Variants in TTC29 observed in about 807,000 individuals in gnomAD.
TTC29 encodes tetratricopeptide repeat domain 29, also known as tetratricopeptide repeat protein 29.
TTC29 carries 49 observed loss-of-function variants against 58.1 expected under a neutral mutation model. The observed-to-expected ratio is 0.84, with a 90% CI of 0.67 to 1.07. The LOEUF (loss-of-function observed/expected upper bound fraction) is 1.07. TTC29 is among the 50% of genes least tolerant of loss of function. TTC29 has a pLI of 0.00. For missense variants in TTC29, 582 were observed against 555.6 expected (o/e 1.05, Z -0.48); for synonymous variants, 209 against 196.8 (o/e 1.06, Z -0.52).
chr4:146,884,355 C>T (rs1376384848), intron 6 of TTC29, among the ~76,000 whole-genome samples: 1 of 152,012 alleles, frequency 6.6e-6, no homozygotes, highest in Non-Finnish European at 1.5e-5. Context: ...ATGAAGTGTG[C>T]ATATAGTGGC....
chr4:146,919,998 AAT>A (rs1020079080), intron 4 of TTC29, among the ~76,000 whole-genome samples: 11 of 151,164 alleles, frequency 7.3e-5, no homozygotes, highest in Non-Finnish European at 8.9e-5. Context: ...TACACTTGCT[AAT>A]AGTCATGAGA....
chr4:146,862,966 C>CA (rs1381089168), intron 8 of TTC29, among the ~76,000 whole-genome samples: 1 of 151,688 alleles, frequency 6.6e-6, no homozygotes, highest in Non-Finnish European at 1.5e-5. Flanking sequence ...ACTAAAAATA[C>CA]AAAAAATTAG....
At chr4:146,730,314 G>C (rs1370024755) in intron 11 of TTC29, among the ~76,000 whole-genome samples, 1 of 152,130 alleles carries the variant, frequency 6.6e-6, no homozygotes, top group African/African-American at 2.4e-5. Flanking sequence ...GGGTGAATTA[G>C]AGTATGATTT....
chr4:146,916,346 GA>G (rs1443006276), intron 4 of TTC29, among the ~76,000 whole-genome samples: 2 of 151,538 alleles, frequency 1.3e-5, no homozygotes, highest in African/African-American at 4.8e-5. Context: ...TAAAGAGAGA[GA>G]AGTTAAAAAG....
intron 11 of TTC29, among the ~76,000 whole-genome samples, chr4:146,757,199 C>A (rs931572470): frequency 1.3e-5 from 2 of 150,588 alleles, no homozygotes; most frequent in African/African-American, 4.9e-5. Flanking sequence ...GGCTGTTGTT[C>A]GGATTTTTTT....
chr4:146,839,907 A>G (rs1354490476), intron 8 of TTC29, among the ~76,000 whole-genome samples: 1 of 151,954 alleles, frequency 6.6e-6, no homozygotes, highest in African/African-American at 2.4e-5. Context: ...ATTCATACTT[A>G]TACATAGGTG....
chr4:146,761,842 G>C (rs947315083), intron 11 of TTC29, among the ~76,000 whole-genome samples: 3 of 151,668 alleles, frequency 2.0e-5, no homozygotes, highest in African/African-American at 7.3e-5. Flanking sequence ...AATTTGAGTG[G>C]AGCTGAATGC....
intron 11 of TTC29, among the ~76,000 whole-genome samples, chr4:146,716,853 T>C (rs1480268835): frequency 6.6e-6 from 1 of 152,178 alleles, no homozygotes; most frequent in Non-Finnish European, 1.5e-5. Context: ...AATGAACTGG[T>C]CTATTTAAAA....
rs184732020 is a variant in TTC29 at position 146,755,815 on chromosome 4, A to G, written c.1330+47642T>C. Among the ~76,000 whole-genome samples the G allele has an allele frequency of 1.3e-3, 203 of 152,272 alleles. 2 individuals are homozygous for G. The highest frequency in any genetic ancestry group is 4.7e-3 in the African/African-American group (196 of 41,560). Reference sequence around the variant, plus strand: ...TATCACAAATCCAAAGGTTGCACAAAGTATGACCCAAAACCAAGTCTACCC... The same window carrying G: ...TATCACAAATCCAAAGGTTGCACAAGGTATGACCCAAAACCAAGTCTACCC... On this transcript the variant is annotated intron_variant, in intron 11 of 12. Transcript: ENST00000325106.
At chr4:146,835,415 T>C (rs1728442235) in intron 8 of TTC29, among the ~76,000 whole-genome samples, 1 of 152,196 alleles carries the variant, frequency 6.6e-6, no homozygotes, top group African/African-American at 2.4e-5. Flanking sequence ...AATCCTAATA[T>C]CAAAATATTT....
intron 4 of TTC29, among the ~76,000 whole-genome samples, chr4:146,918,125 T>C (rs929153818): frequency 6.6e-5 from 10 of 151,064 alleles, no homozygotes; most frequent in African/African-American, 2.4e-4. Flanking sequence ...CTGTTACATA[T>C]GCAAGTTTTG....
At chr4:146,725,394 A>G (rs924022050) in intron 11 of TTC29, among the ~76,000 whole-genome samples, 6 of 152,178 alleles carry the variant, frequency 3.9e-5, no homozygotes, top group African/African-American at 1.2e-4. Context: ...AAATTAGCCA[A>G]ATGTGGTGAT....
intron 7 of TTC29, among the ~76,000 whole-genome samples, chr4:146,872,017 A>G (rs1730965537): frequency 1.3e-5 from 2 of 152,122 alleles, no homozygotes; most frequent in Admixed American, 1.3e-4. Flanking sequence ...CTAGAGTAAT[A>G]AAATCTATGT....
chr4:146,924,223 C>T (rs1278134651), intron 4 of TTC29, among the ~76,000 whole-genome samples: 1 of 151,784 alleles, frequency 6.6e-6, no homozygotes, highest in Non-Finnish European at 1.5e-5. Flanking sequence ...TTTATATTAA[C>T]ATTGTCATGA....
At chr4:146,893,834 C>T (rs1479813696) in intron 6 of TTC29, among the ~76,000 whole-genome samples, 1 of 151,974 alleles carries the variant, frequency 6.6e-6, no homozygotes, top group Non-Finnish European at 1.5e-5. Flanking sequence ...AACAAATTTA[C>T]AAGAAAAAAA....
intron 10 of TTC29, among the ~76,000 whole-genome samples, chr4:146,807,901 C>A (rs1750724396): frequency 6.6e-6 from 1 of 152,170 alleles, no homozygotes; most frequent in Admixed American, 6.5e-5. Context: ...AGGCCGGCAT[C>A]ATCCTGATAA....
At chr4:146,855,868 T>C (rs935616946) in intron 8 of TTC29, among the ~76,000 whole-genome samples, 1 of 152,214 alleles carries the variant, frequency 6.6e-6, no homozygotes, top group Non-Finnish European at 1.5e-5. Context: ...CACACACTTA[T>C]TCCTGTTTAA....
At chr4:146,927,487 C>T (rs1306735428) in intron 4 of TTC29, among the ~76,000 whole-genome samples, 2 of 152,090 alleles carry the variant, frequency 1.3e-5, no homozygotes, top group Non-Finnish European at 2.9e-5. Flanking sequence ...TTTTTTAAAT[C>T]CTGGCCATGA....
Position 146,874,909 on chromosome 4 carries a change from A to G in TTC29, c.606T>C (p.Ala202=), listed in dbSNP as rs1479795386. 3 of 1,613,298 alleles carry G rather than the reference A, an allele frequency of 1.9e-6. No homozygotes were observed. In the Admixed American group the frequency reaches 5.0e-5, roughly 27 times the overall value. ...YEEDGQLLEA[A]EHYEAFHQLT... is the part of the protein sequence containing the mutation. ...ATTGATGGAATGCTTCATAATGCTC[A>G]GCAGCTTCCAGAAGCTGACCTGGAG... Residue 202 remains alanine, a synonymous_variant, in exon 7 of 13, where the codon GCT becomes GCC. Transcript: ENST00000325106.
Sources: allele counts gnomAD v4.1 joint callset (sites outside exome capture counted in the v4.1 genomes callset), GRCh38; gene constraint gnomAD v4.1.1; transcripts MANE v1.5; gene names NCBI Gene and HGNC (gene_info 2026-07-23, HGNC 2026-07-21).